The following IL1RAPL1 variants were observed in gnomAD, a reference collection of about 807,000 sequenced individuals.
IL1RAPL1 encodes interleukin 1 receptor accessory protein like 1.
Under a neutral mutation model 48.4 loss-of-function variants are expected in IL1RAPL1, and 3 were observed. The observed-to-expected ratio is 0.06, with a 90% CI of 0.03 to 0.16. The LOEUF (loss-of-function observed/expected upper bound fraction) is 0.16. Among genes scored for constraint, IL1RAPL1 ranks in the 10% least tolerant of loss-of-function variants. IL1RAPL1 has a pLI of 1.00. For missense variants in IL1RAPL1, 349 were observed against 530.6 expected (o/e 0.66, Z 3.36); for synonymous variants, 185 against 187.7 (o/e 0.99, Z 0.12).
At chrX:29,123,882 T>G (rs1928847635) in intron 2 of IL1RAPL1, among the ~76,000 whole-genome samples, 1 of 111,770 alleles carries the variant, frequency 8.9e-6, no homozygotes, top group Non-Finnish European at 1.9e-5. Flanking sequence ...ATTGATTACA[T>G]GTTGAAATGG....
intron 5 of IL1RAPL1, among the ~76,000 whole-genome samples, chrX:29,607,566 A>G (rs867476856): frequency 8.9e-6 from 1 of 112,076 alleles, no homozygotes; most frequent in African/African-American, 3.2e-5. Flanking sequence ...TTCTACTTTC[A>G]GTAATGAGCT....
At chrX:29,901,203 C>G (rs1000745550) in intron 6 of IL1RAPL1, among the ~76,000 whole-genome samples, 3 of 111,756 alleles carry the variant, frequency 2.7e-5, no homozygotes, top group African/African-American at 9.8e-5. Flanking sequence ...CTCGTTGACC[C>G]GGTCTCAGGC....
At chrX:29,606,276 A>G (rs1289926197) in intron 5 of IL1RAPL1, among the ~76,000 whole-genome samples, 3 of 111,898 alleles carry the variant, frequency 2.7e-5, no homozygotes, top group Non-Finnish European at 5.6e-5. Context: ...GTGAAAGTCT[A>G]TGAATGAAAA....
chrX:28,794,023 G>A (rs111891004), intron 2 of IL1RAPL1, among the ~76,000 whole-genome samples: 1,917 of 111,233 alleles, frequency 0.017, 46 homozygotes, highest in African/African-American at 0.059. Flanking sequence ...TTACATCAGT[G>A]AGGATGCTAC....
At chrX:29,865,032 T>G (rs1414356507) in intron 6 of IL1RAPL1, among the ~76,000 whole-genome samples, 2 of 112,030 alleles carry the variant, frequency 1.8e-5, no homozygotes, top group African/African-American at 6.5e-5. Flanking sequence ...CCAATACTTG[T>G]TTGAGTCCTT....
At chrX:29,732,575 T>C (rs185792406) in intron 6 of IL1RAPL1, among the ~76,000 whole-genome samples, 1 of 112,237 alleles carries the variant, frequency 8.9e-6, no homozygotes, top group African/African-American at 3.2e-5. Context: ...ATGTGCTCTT[T>C]CCTTCCACAT....
At chrX:28,662,124 A>AGTGTGGCCT (rs2146909793) in intron 1 of IL1RAPL1, among the ~76,000 whole-genome samples, 1 of 110,026 alleles carries the variant, frequency 9.1e-6, no homozygotes, top group South Asian at 3.9e-4. Context: ...GGAGGGCTTG[A>AGTGTGGCCT]GTGTGGCCTG....
At chrX:28,944,625 A>G (rs1005249469) in intron 2 of IL1RAPL1, among the ~76,000 whole-genome samples, 7 of 111,001 alleles carry the variant, frequency 6.3e-5, no homozygotes, top group African/African-American at 2.3e-4. Flanking sequence ...TAACTGAAAG[A>G]GTAAAAATAT....
chrX:29,323,734 T>TATATATATATAAA lies in IL1RAPL1; in HGVS notation c.362+40528_362+40529insAAATATATATATA, dbSNP rs1569285600. On this transcript the variant is annotated intron_variant, in intron 3 of 10. Transcript: ENST00000378993. ...TTTTTTATATATATATATATATATA[T>TATATATATATAAA]ATATATATATATATATATATATATA... Among the ~76,000 whole-genome samples the TATATATATATAAA allele has an allele frequency of 1.8e-3, 15 of 8,296 alleles. 2 individuals are homozygous for TATATATATATAAA. The highest frequency in any genetic ancestry group is 9.8e-3 in the African/African-American group (14 of 1,426). 7.2% of individuals were successfully genotyped at this position (8,296 alleles called of 115,157 possible).
intron 5 of IL1RAPL1, among the ~76,000 whole-genome samples, chrX:29,578,502 A>G (rs888065756): frequency 3.4e-4 from 38 of 112,257 alleles, no homozygotes; most frequent in African/African-American, 1.1e-3. Context: ...TTGAAATACT[A>G]GAGTTCACTT....
chrX:29,150,355 G>C (rs150261241), intron 2 of IL1RAPL1, among the ~76,000 whole-genome samples: 291 of 111,776 alleles, frequency 2.6e-3, no homozygotes, highest in African/African-American at 8.8e-3. Context: ...GGATAGATAA[G>C]TAATGATAAT....
At chrX:29,426,118 C>G (rs1174745239) in intron 5 of IL1RAPL1, among the ~76,000 whole-genome samples, 1 of 111,704 alleles carries the variant, frequency 9.0e-6, no homozygotes, top group East Asian at 2.8e-4. Context: ...GTACATGGTT[C>G]TAAATTTTAT....
At chrX:28,642,485 G>A (rs963704071) in intron 1 of IL1RAPL1, among the ~76,000 whole-genome samples, 11 of 112,009 alleles carry the variant, frequency 9.8e-5, no homozygotes, top group African/African-American at 3.6e-4. Flanking sequence ...AATCAAATTA[G>A]AACTCAGGAT....
At chrX:29,705,341 A>G (rs1399286563) in intron 6 of IL1RAPL1, among the ~76,000 whole-genome samples, 2 of 111,041 alleles carry the variant, frequency 1.8e-5, no homozygotes, top group Non-Finnish European at 3.8e-5. Context: ...CAGCCTCCCA[A>G]GTAGCCGGGA....
chrX:29,875,415 G>A (rs1931881791), intron 6 of IL1RAPL1, among the ~76,000 whole-genome samples: 1 of 111,618 alleles, frequency 9.0e-6, no homozygotes, highest in South Asian at 3.8e-4. Context: ...GCATTAGACA[G>A]TCCTTATCAT....
At chrX:28,885,979 A>G (rs1320628225) in intron 2 of IL1RAPL1, among the ~76,000 whole-genome samples, 4 of 111,343 alleles carry the variant, frequency 3.6e-5, no homozygotes, top group Non-Finnish European at 3.8e-5. Flanking sequence ...ATAACTAACA[A>G]CATAGGCTCC....
At chrX:29,077,354 C>G (rs1417627011) in intron 2 of IL1RAPL1, among the ~76,000 whole-genome samples, 2 of 111,100 alleles carry the variant, frequency 1.8e-5, no homozygotes, top group Non-Finnish European at 3.8e-5. Context: ...CTTGTAATCC[C>G]AGCACTTTGG....
At chrX:28,791,432 A>G (rs908271426) in intron 2 of IL1RAPL1, among the ~76,000 whole-genome samples, 4 of 112,219 alleles carry the variant, frequency 3.6e-5, no homozygotes, top group African/African-American at 1.3e-4. Flanking sequence ...AAGACCTGAG[A>G]AAACTCAAGA....
chrX:29,930,286 T>C lies in IL1RAPL1; in HGVS notation c.1057+10192T>C, dbSNP rs753225359. On this transcript the variant is annotated intron_variant, in intron 8 of 10. Transcript: ENST00000378993. ...TGCTGAACCAGGCATCTTTAAATGA[T>C]AGTTGCATAAACAGATAGGCAAATA... Among the ~76,000 whole-genome samples the C allele has an allele frequency of 1.6e-4, 18 of 112,213 alleles. No homozygotes were observed. In the South Asian group the frequency reaches 6.2e-3, roughly 39 times the overall value.
Sources: gnomAD v4.1 joint callset for allele counts (sites outside exome capture counted in the v4.1 genomes callset) on GRCh38, gnomAD v4.1.1 for gene constraint, MANE v1.5 for transcripts, NCBI Gene and HGNC (gene_info 2026-07-23, HGNC 2026-07-21) for gene names.